Variants in GNAQ observed in about 807,000 individuals in gnomAD.
The protein encoded by GNAQ is G protein subunit alpha q.
In GNAQ, 8 loss-of-function variants were observed where a neutral mutation model predicts 43.9. The ratio of observed to expected loss-of-function variants is 0.18; its 90% CI spans 0.11 to 0.33. The LOEUF is 0.33. GNAQ is among the 10% of genes least tolerant of loss of function. The pLI is 1.00. For synonymous variants in GNAQ, 155 were observed against 170.7 expected (o/e 0.91, Z 0.71); for missense variants, 158 against 450.8 (o/e 0.35, Z 5.88).
intron 2 of GNAQ, among the ~76,000 whole-genome samples, chr9:77,902,675 G>A (rs1334717402): frequency 6.6e-6 from 1 of 152,200 alleles, no homozygotes; most frequent in Non-Finnish European, 1.5e-5. Context: ...TCAGAACAGG[G>A]TTTACAAAAC....
chr9:77,734,157 C>T (rs1245430986), intron 5 of GNAQ, among the ~76,000 whole-genome samples: 1 of 152,244 alleles, frequency 6.6e-6, no homozygotes, highest in African/African-American at 2.4e-5. Context: ...GTGCTTCCCT[C>T]TGTCAAAAGT....
chr9:77,982,161 C>A (rs745560023), intron 1 of GNAQ, among the ~76,000 whole-genome samples: 4 of 152,164 alleles, frequency 2.6e-5, no homozygotes, highest in Non-Finnish European at 5.9e-5. Flanking sequence ...ACCCACTCAT[C>A]ATGTTTGTCT....
chr9:77,757,268 T>C (rs1476696554), intron 5 of GNAQ, among the ~76,000 whole-genome samples: 1 of 152,196 alleles, frequency 6.6e-6, no homozygotes, highest in African/African-American at 2.4e-5. Flanking sequence ...CCCCAACTTT[T>C]TTTCTAAATC....
intron 5 of GNAQ, among the ~76,000 whole-genome samples, chr9:77,768,777 G>A (rs1052094933): frequency 6.6e-6 from 1 of 152,194 alleles, no homozygotes; most frequent in African/African-American, 2.4e-5. Context: ...AGACCTCTCG[G>A]TTAGCAGTAG....
chr9:77,800,036 T>G (rs1202602432), intron 3 of GNAQ, among the ~76,000 whole-genome samples: 1 of 152,214 alleles, frequency 6.6e-6, no homozygotes, highest in Middle Eastern at 3.2e-3. Context: ...CGAGCCCATG[T>G]TCTGGGAAGG....
At chr9:77,948,787 T>C (rs554333694) in intron 1 of GNAQ, among the ~76,000 whole-genome samples, 8 of 152,286 alleles carry the variant, frequency 5.3e-5, no homozygotes, top group Non-Finnish European at 8.8e-5. Flanking sequence ...TGAATATTCC[T>C]ACAGCCACTG....
At chr9:77,794,794 T>C (rs1409111145) in intron 4 of GNAQ, among the ~76,000 whole-genome samples, 1 of 152,144 alleles carries the variant, frequency 6.6e-6, no homozygotes, top group Non-Finnish European at 1.5e-5. Flanking sequence ...GGGTAACACA[T>C]CATGATGGTT....
At chr9:77,967,251 A>G (rs1372737232) in intron 1 of GNAQ, among the ~76,000 whole-genome samples, 2 of 152,144 alleles carry the variant, frequency 1.3e-5, no homozygotes, top group African/African-American at 2.4e-5. Context: ...TCTCACATGG[A>G]GGAAAAGATT....
intron 2 of GNAQ, among the ~76,000 whole-genome samples, chr9:77,921,510 A>C (rs1828996692): frequency 6.6e-6 from 1 of 152,254 alleles, no homozygotes; most frequent in African/African-American, 2.4e-5. Context: ...ACCAAGAAAT[A>C]ATGCTAGAGG....
At chr9:77,880,573 T>G (rs1828193591) in intron 2 of GNAQ, among the ~76,000 whole-genome samples, 2 of 151,840 alleles carry the variant, frequency 1.3e-5, no homozygotes, top group African/African-American at 2.4e-5. Context: ...TTTTTTGTTT[T>G]TTTTGTTTTT....
At position 77,770,556 on chromosome 9, in the gene GNAQ, G is replaced by C. The variant is rs567376029; in HGVS notation, c.735+23907C>G. Among the ~76,000 whole-genome samples the C allele has an allele frequency of 7.9e-5, 12 of 152,282 alleles. No homozygotes were observed. The East Asian group carries it at 1.2e-3, about 15-fold the overall frequency. On this transcript the variant is annotated intron_variant, in intron 5 of 6. Transcript: ENST00000286548. Reference sequence around the variant, plus strand: ...TTTTCTCGTTACTGTCTTTCCCTTCGGAAGCAGCTCTACTTCTATGTGAAC... The same window carrying C: ...TTTTCTCGTTACTGTCTTTCCCTTCCGAAGCAGCTCTACTTCTATGTGAAC...
Position 77,718,706 on chromosome 9 carries a change from C to T in GNAQ, c.*2617G>A. The T allele has an allele frequency of 4.7e-6, 1 of 213,714 alleles. No homozygotes were observed. The highest frequency in any genetic ancestry group is 6.7e-5 in the East Asian group (1 of 14,908). 13.2% of individuals were successfully genotyped at this position (213,714 alleles called of 1,614,324 possible). A position where few individuals can be genotyped will look rare whatever the true frequency, so the allele number is the denominator to read the frequency against. On this transcript the variant is annotated 3_prime_UTR_variant, in exon 7 of 7. Coordinates refer to ENST00000286548, the MANE Select transcript of GNAQ (RefSeq NM_002072.5). Reference sequence around the variant, plus strand: ...AGGTTTTCTCTATACACACTGTAGGCCTTCAAATGTTGTTGTTTAATTTTT... The same window carrying T: ...AGGTTTTCTCTATACACACTGTAGGTCTTCAAATGTTGTTGTTTAATTTTT...
intron 5 of GNAQ, among the ~76,000 whole-genome samples, chr9:77,737,345 G>T (rs1825590033): frequency 1.3e-5 from 2 of 152,192 alleles, no homozygotes; most frequent in Non-Finnish European, 2.9e-5. Context: ...CATTGTAAGT[G>T]ATGTTGTAAG....
chr9:77,947,548 C>T (rs183868539), intron 1 of GNAQ, among the ~76,000 whole-genome samples: 2 of 152,264 alleles, frequency 1.3e-5, no homozygotes, highest in Non-Finnish European at 2.9e-5. Context: ...GTCTAAAGCA[C>T]TCAACTGGTG....
intron 4 of GNAQ, among the ~76,000 whole-genome samples, chr9:77,795,386 C>A (rs932343593): frequency 6.6e-6 from 1 of 152,154 alleles, no homozygotes; most frequent in African/African-American, 2.4e-5. Context: ...ATGCTTGGCA[C>A]TGAGTCAAAG....
intron 3 of GNAQ, among the ~76,000 whole-genome samples, chr9:77,806,777 C>G (rs1450197384): frequency 6.6e-6 from 1 of 152,162 alleles, no homozygotes; most frequent in South Asian, 2.1e-4. Flanking sequence ...AAGCTAGGCA[C>G]TAGGCTTAGG....
intron 2 of GNAQ, among the ~76,000 whole-genome samples, chr9:77,849,445 T>C (rs1226236769): frequency 6.6e-6 from 1 of 152,112 alleles, no homozygotes; most frequent in Non-Finnish European, 1.5e-5. Flanking sequence ...ATGTGGGGTC[T>C]ACAACTAGAA....
intron 1 of GNAQ, among the ~76,000 whole-genome samples, chr9:77,933,354 C>T (rs1247313863): frequency 6.6e-6 from 1 of 152,186 alleles, no homozygotes; most frequent in Non-Finnish European, 1.5e-5. Context: ...CACAAACACA[C>T]ACACACACAT....
chr9:77,788,252 C>CA (rs1326706561), intron 5 of GNAQ, among the ~76,000 whole-genome samples: 2 of 152,040 alleles, frequency 1.3e-5, no homozygotes, highest in East Asian at 3.9e-4. Context: ...ATGTGCATTA[C>CA]AAACAACCCA....
Sources: gnomAD v4.1 joint callset for allele counts (sites outside exome capture counted in the v4.1 genomes callset) on GRCh38, gnomAD v4.1.1 for gene constraint, MANE v1.5 for transcripts, NCBI Gene and HGNC (gene_info 2026-07-23, HGNC 2026-07-21) for gene names.